PRRC2B: variants seen among roughly 807,000 people sequenced by gnomAD.
PRRC2B encodes the protein protein PRRC2B.
Under a neutral mutation model 242.3 loss-of-function variants are expected in PRRC2B, and 68 were observed. That is an observed-to-expected ratio of 0.28 (90% CI 0.23 to 0.34). The LOEUF is 0.34. Among genes scored for constraint, PRRC2B ranks in the 10% least tolerant of loss-of-function variants. The pLI, the probability that PRRC2B is intolerant of heterozygous loss-of-function variation, is 1.00. For synonymous variants in PRRC2B, 1,228 were observed against 1,173.6 expected (o/e 1.05, Z -0.95); for missense variants, 2,835 against 2,954.8 (o/e 0.96, Z 0.94).
chr9:131,397,618 G>T, intron 1 of PRRC2B, among the ~76,000 whole-genome samples: 1 of 123,350 alleles, frequency 8.1e-6, no homozygotes, highest in African/African-American at 3.2e-5. Context: ...TGTTGCTAAT[G>T]GCTGTGGCTG....
At position 131,474,904 on chromosome 9, in the gene PRRC2B, C is replaced by T. The variant is rs763141063; in HGVS notation, c.2775C>T (p.Ser925=). Residue 925 remains serine, a synonymous_variant, in exon 16 of 32, where the codon TCC becomes TCT. Transcript: ENST00000683519. ...EPEWTPEPRS[S]SSQHPEQTGR... ...AATGGACTCCCGAGCCCCGGAGCTC[C>T]AGCAGCCAGCACCCGGAGCAGACGG... The T allele has an allele frequency of 7.5e-6, 12 of 1,594,320 alleles. No homozygotes were observed. In the African/African-American group the frequency reaches 1.5e-4, roughly 20 times the overall value.
upstream of PRRC2B, among the ~76,000 whole-genome samples, chr9:131,391,745 TATCA>T (rs1476996769): frequency 6.6e-6 from 1 of 152,180 alleles, no homozygotes; most frequent in Admixed American, 6.5e-5. Flanking sequence ...AGCCTCCTCC[TATCA>T]TTTTGTTTTG....
At chr9:131,397,636 GTTATAT>G (rs1837105656) in intron 1 of PRRC2B, among the ~76,000 whole-genome samples, 1 of 135,396 alleles carries the variant, frequency 7.4e-6, no homozygotes, top group Admixed American at 8.1e-5. Context: ...CTGTATGCTA[GTTATAT>G]GTCTCATTAT....
chr9:131,383,895 A>AC (rs1836794137), intron 1 of PRRC2B, among the ~76,000 whole-genome samples: 1 of 151,840 alleles, frequency 6.6e-6, no homozygotes, highest in South Asian at 2.1e-4. Flanking sequence ...TGCTGGGATT[A>AC]CAGGCATAAG....
At chr9:131,414,554 G>A (rs554179671) in intron 1 of PRRC2B, among the ~76,000 whole-genome samples, 3 of 149,962 alleles carry the variant, frequency 2.0e-5, no homozygotes, top group Non-Finnish European at 4.4e-5. Flanking sequence ...CTGGCCCATG[G>A]TGCGGCTACC....
chr9:131,484,877 G>C lies in PRRC2B; in HGVS notation c.5566-71G>C, dbSNP rs149987087. The C allele has an allele frequency of 3.9e-3, 6,160 of 1,570,556 alleles. 201 individuals are homozygous for C. In the African/African-American group the frequency reaches 0.071, roughly 18 times the overall value. On this transcript the variant is annotated intron_variant, in intron 24 of 31. Coordinates refer to ENST00000683519, the MANE Select transcript of PRRC2B (RefSeq NM_013318.4). ...AGGGAGGAGTCCCCGAACCCCTAAA[G>C]CTTAGATTGGCTCTGTCCACTGCCA...
chr9:131,428,287 C>A (rs1267554380), intron 1 of PRRC2B, among the ~76,000 whole-genome samples: 1 of 152,018 alleles, frequency 6.6e-6, no homozygotes, highest in Non-Finnish European at 1.5e-5. Flanking sequence ...GTGGCCTGAT[C>A]ATAGCTCACT....
chr9:131,465,836 C>T (rs1001367316), intron 12 of PRRC2B, among the ~76,000 whole-genome samples: 5 of 152,170 alleles, frequency 3.3e-5, no homozygotes, highest in Admixed American at 1.3e-4. Context: ...GCGATTTTCC[C>T]AGCTCAGCCT....
rs1220782988 is a variant in PRRC2B at position 131,497,467 on chromosome 9, A to T, written c.*1593A>T. On this transcript the variant is annotated 3_prime_UTR_variant, in exon 32 of 32. Transcript: ENST00000683519. The stretch of plus-strand genomic sequence containing the variant: ...GAGGCTGGCTCAGAACACCTAGAGG[A>T]GGGGGCCGGGGATGCACCCCCCACC... The T allele has an allele frequency of 6.6e-6, 1 of 152,138 alleles. No homozygotes were observed. The highest frequency in any genetic ancestry group is 2.4e-5 in the African/African-American group (1 of 41,382). The allele number at this position is 152,138 out of a possible 1,614,324, so 9.4% of individuals were successfully genotyped here. A position where few individuals can be genotyped will look rare whatever the true frequency, so the allele number is the denominator to read the frequency against.
chr9:131,435,818 T>C (rs552263645), intron 3 of PRRC2B, among the ~76,000 whole-genome samples: 2 of 152,200 alleles, frequency 1.3e-5, no homozygotes, highest in South Asian at 2.1e-4. Context: ...TAGAGCTTTA[T>C]GTATGGGGTC....
chr9:131,449,869 T>C (rs996032160), intron 9 of PRRC2B, among the ~76,000 whole-genome samples: 2 of 152,258 alleles, frequency 1.3e-5, no homozygotes, highest in Non-Finnish European at 2.9e-5. Context: ...TAATTTTAGG[T>C]CTTTGATCCA....
At chr9:131,445,113 C>A (rs972091596) in intron 6 of PRRC2B, among the ~76,000 whole-genome samples, 2 of 152,024 alleles carry the variant, frequency 1.3e-5, no homozygotes, top group African/African-American at 4.8e-5. Flanking sequence ...CTTACTTAAA[C>A]CAGCACTCAC....
In PRRC2B at chr9:131,429,679, C is replaced by G. The variant is rs114566801; in HGVS notation, c.-51-415C>G. On this transcript the variant is annotated intron_variant, in intron 1 of 31. Coordinates refer to ENST00000683519, the MANE Select transcript of PRRC2B (RefSeq NM_013318.4). ...TGGGTTGTGTACCTCCCCTATTCTG[C>G]TAGCCTTATTTTCAGTGTTATACAT... 3.2e-3 allele frequency among the ~76,000 whole-genome samples: 485 copies of G among 152,254 alleles called. 2 individuals carry two copies. The highest frequency in any genetic ancestry group is 0.011 in the African/African-American group (471 of 41,532).
In PRRC2B at chr9:131,498,990, ACATT is replaced by A. The variant is rs1243685519; in HGVS notation, c.*3120_*3123del. The A allele has an allele frequency of 3.3e-5, 5 of 152,128 alleles. No individual in the cohort carries two copies. The highest frequency in any genetic ancestry group is 9.7e-5 in the African/African-American group (4 of 41,420). 9.4% of individuals were successfully genotyped at this position (152,128 alleles called of 1,614,324 possible). A position where few individuals can be genotyped will look rare whatever the true frequency, so the allele number is the denominator to read the frequency against. On this transcript the variant is annotated 3_prime_UTR_variant, in exon 32 of 32. Coordinates refer to ENST00000683519, the MANE Select transcript of PRRC2B (RefSeq NM_013318.4). ...CACAGCGTTTTTTGTTTTTTTTTAAACATTCATATTGTTTTCAAACTTGGAATTC... is the reference window on the plus strand; with the variant it reads ...CACAGCGTTTTTTGTTTTTTTTTAAACATATTGTTTTCAAACTTGGAATTC...
intron 9 of PRRC2B, among the ~76,000 whole-genome samples, chr9:131,452,548 G>A (rs577985164): frequency 4.6e-5 from 7 of 152,162 alleles, no homozygotes; most frequent in Admixed American, 1.3e-4. Context: ...GATGTCTGTA[G>A]GATCTGTAGT....
At chr9:131,462,146 G>C (rs1269243729) in intron 11 of PRRC2B, among the ~76,000 whole-genome samples, 1 of 152,116 alleles carries the variant, frequency 6.6e-6, no homozygotes, top group Non-Finnish European at 1.5e-5. Context: ...TAAATTAGCT[G>C]AACATCAACA....
chr9:131,478,918 G>A (rs1392776887), intron 18 of PRRC2B, among the ~76,000 whole-genome samples: 3 of 152,084 alleles, frequency 2.0e-5, no homozygotes, highest in South Asian at 2.1e-4. Flanking sequence ...GCAGACCTCC[G>A]TCACCTCCCA....
In PRRC2B at chr9:131,474,845, G is replaced by A. The variant is rs767291317; in HGVS notation, c.2716G>A (p.Gly906Arg). Residue 906 changes from glycine to arginine, a missense_variant, in exon 16 of 32, where the codon GGG (glycine) becomes AGG (arginine). Gly to Arg is a moderately radical substitution (Grantham distance 125, BLOSUM62 -2). Transcript: ENST00000683519. Reference protein sequence around the residue: ...AFNISSWDKNGSPNKQPSSEP... With the variant: ...AFNISSWDKNRSPNKQPSSEP... ...TAACATCTCCTCCTGGGACAAGAAC[G>A]GGAGCCCCAACAAACAGCCATCCTC... 10 of 1,609,980 alleles carry A rather than the reference G, an allele frequency of 6.2e-6. No homozygotes were observed. Among genetic ancestry groups the A allele is most frequent in the Non-Finnish European group, 7.6e-6 (9 of 1,178,804 alleles).
chr9:131,390,567 C>G (rs1250077909), upstream of PRRC2B, among the ~76,000 whole-genome samples: 2 of 140,526 alleles, frequency 1.4e-5, no homozygotes, highest in Non-Finnish European at 3.0e-5. Flanking sequence ...AGTGCAAGCT[C>G]TGCCTCCCAG....
Sources: gnomAD v4.1 joint callset for allele counts (sites outside exome capture counted in the v4.1 genomes callset) on GRCh38, gnomAD v4.1.1 for gene constraint, MANE v1.5 for transcripts, NCBI Gene and HGNC (gene_info 2026-07-23, HGNC 2026-07-21) for gene names.